Variants in SORD observed in about 807,000 individuals in gnomAD.
The protein encoded by SORD is (R,R)-butanediol dehydrogenase.
A neutral mutation model predicts 35.6 loss-of-function variants in SORD; 18 were observed. The ratio of observed to expected loss-of-function variants is 0.51; its 90% CI spans 0.35 to 0.75. SORD has a LOEUF of 0.75. Among genes scored for constraint, SORD ranks in the 30% least tolerant of loss-of-function variants. The pLI is 0.01. For missense variants in SORD, 250 were observed against 390.2 expected, an observed-to-expected ratio of 0.64 and a Z score of 3.03; for synonymous variants, 106 against 152.9, an observed-to-expected ratio of 0.69 and a Z score of 2.26.
At chr15:45,052,210 T>A (rs992748191) in intron 3 of SORD, among the ~76,000 whole-genome samples, 1 of 152,190 alleles carries the variant, frequency 6.6e-6, no homozygotes, top group Non-Finnish European at 1.5e-5. Flanking sequence ...CAAAGCCTGA[T>A]ATGTGAGGAA....
chr15:45,030,050 G>A (rs1326944038), intron 1 of SORD, among the ~76,000 whole-genome samples: 1 of 152,212 alleles, frequency 6.6e-6, no homozygotes, highest in Non-Finnish European at 1.5e-5. Flanking sequence ...GTGAAGGGTG[G>A]GGATCAATCA....
At position 45,045,532 on chromosome 15, in the gene SORD, A is replaced by G. The variant is rs186711369; in HGVS notation, c.265+2111A>G. Among the ~76,000 whole-genome samples the G allele has an allele frequency of 6.9e-5, 9 of 130,770 alleles. No individual in the cohort carries two copies. The South Asian group carries it at 7.9e-4, about 11-fold the overall frequency. 85.8% of individuals were successfully genotyped at this position (130,770 alleles called of 152,430 possible). On this transcript the variant is annotated intron_variant, in intron 3 of 8. Transcript: ENST00000267814. ...TTCCAGCCTTGGTGAGAGACAGAGC[A>G]AGACTCCATCTCAAAAAAAAAAAAA...
Position 45,032,780 on chromosome 15 carries a change from A to G in SORD, c.67-7628A>G, listed in dbSNP as rs2600890. Among the ~76,000 whole-genome samples, 717 of 151,536 alleles carry G rather than the reference A, an allele frequency of 4.7e-3. 8 individuals are homozygous for G. The highest frequency in any genetic ancestry group is 0.016 in the African/African-American group (645 of 41,004). ...ACCTCAAGTTTGCCAGGACCAACAC[A>G]GCTAGAACAAAGCCTCTCATGACAA... On this transcript the variant is annotated intron_variant, in intron 1 of 8. Transcript: ENST00000267814.
intron 1 of SORD, among the ~76,000 whole-genome samples, chr15:45,035,626 T>C (rs935603861): frequency 2.0e-5 from 3 of 152,198 alleles, no homozygotes; most frequent in Non-Finnish European, 4.4e-5. Context: ...GGCAACTCGC[T>C]GGGGTCCCCT....
At chr15:45,047,737 C>G (rs528891892) in intron 3 of SORD, among the ~76,000 whole-genome samples, 1 of 152,304 alleles carries the variant, frequency 6.6e-6, no homozygotes, top group South Asian at 2.1e-4. Context: ...TGGCTCCTGC[C>G]ACATGGCTTC....
intron 1 of SORD, among the ~76,000 whole-genome samples, chr15:45,031,309 TAAAACAACAACAACGACA>T (rs749576648): frequency 4.0e-5 from 6 of 150,692 alleles, no homozygotes; most frequent in South Asian, 2.1e-4. Flanking sequence ...ACCCATCTCT[TAAAACAACAACAACGACA>T]AAAAAAAAAA....
At chr15:45,036,853 CTT>C (rs1483540111) in intron 1 of SORD, among the ~76,000 whole-genome samples, 4 of 152,060 alleles carry the variant, frequency 2.6e-5, no homozygotes, top group African/African-American at 4.8e-5. Flanking sequence ...AACTAAGAAA[CTT>C]TGGTAGATGA....
intron 1 of SORD, among the ~76,000 whole-genome samples, chr15:45,029,550 G>A (rs1365509841): frequency 6.6e-6 from 1 of 152,266 alleles, no homozygotes; most frequent in African/African-American, 2.4e-5. Context: ...GGCTGTTACA[G>A]TGCTCCTTTA....
chr15:45,032,557 G>A (rs180687234), intron 1 of SORD, among the ~76,000 whole-genome samples: 2 of 152,254 alleles, frequency 1.3e-5, no homozygotes, highest in East Asian at 1.9e-4. Context: ...ATGGGAAATG[G>A]GTGTAGTTGG....
At chr15:45,071,686 A>G (rs562394204) in intron 7 of SORD, among the ~76,000 whole-genome samples, 1 of 150,494 alleles carries the variant, frequency 6.6e-6, no homozygotes, top group African/African-American at 2.4e-5. Flanking sequence ...GGAAATTTTC[A>G]GGAGAAATTT....
At chr15:45,066,697 T>C (rs1263254502) in intron 5 of SORD, among the ~76,000 whole-genome samples, 1 of 152,190 alleles carries the variant, frequency 6.6e-6, no homozygotes, top group Non-Finnish European at 1.5e-5. Flanking sequence ...CTTGTGGGTG[T>C]GATCTGGTGT....
intron 3 of SORD, among the ~76,000 whole-genome samples, chr15:45,056,696 G>A (rs897139444): frequency 2.6e-5 from 4 of 152,188 alleles, no homozygotes; most frequent in Admixed American, 2.6e-4. Context: ...TGGGGATGTG[G>A]AATTTTTATA....
At chr15:45,053,478 A>C (rs1893161254) in intron 3 of SORD, among the ~76,000 whole-genome samples, 1 of 152,316 alleles carries the variant, frequency 6.6e-6, no homozygotes. Context: ...AAGCAGGAGA[A>C]GGAGGGGAAA....
At chr15:45,023,496 G>A (rs1892622484) in intron 1 of SORD, 147 bp downstream of exon 1, 1 of 625,216 alleles carries the variant, frequency 1.6e-6, no homozygotes, top group East Asian at 3.4e-5. Context: ...GGTTCCCCTC[G>A]GGGTGTGGGG....
At chr15:45,068,448 A>AGTGT (rs3042989) in intron 6 of SORD, among the ~76,000 whole-genome samples, 4 of 116,040 alleles carry the variant, frequency 3.4e-5, no homozygotes, top group South Asian at 5.2e-4. Context: ...TGTGTGAGAG[A>AGTGT]GTGTGTGTGT....
chr15:45,060,981 G>A (rs1197521327), intron 3 of SORD, 86 bp from the exon 4 acceptor site: 2 of 1,578,590 alleles, frequency 1.3e-6, no homozygotes, highest in Non-Finnish European at 1.7e-6. Flanking sequence ...TGTTTTCAAA[G>A]GTTGGAAAAC....
intron 5 of SORD, among the ~76,000 whole-genome samples, chr15:45,066,075 C>A (rs984901311): frequency 1.3e-5 from 2 of 151,860 alleles, no homozygotes; most frequent in Non-Finnish European, 2.9e-5. Flanking sequence ...GAAACCTCAA[C>A]TTTACTAAAA....
intron 3 of SORD, among the ~76,000 whole-genome samples, chr15:45,055,688 A>G (rs200381436): frequency 6.6e-6 from 1 of 152,224 alleles, no homozygotes; most frequent in Non-Finnish European, 1.5e-5. Context: ...ACACAACCAA[A>G]AAGGAGAATT....
intron 3 of SORD, among the ~76,000 whole-genome samples, chr15:45,048,442 C>G (rs1470703577): frequency 2.6e-5 from 4 of 152,170 alleles, no homozygotes; most frequent in African/African-American, 9.7e-5. Context: ...GACATGGTGG[C>G]TTACACCTGT....
Sources: gnomAD v4.1 joint callset for allele counts (sites outside exome capture counted in the v4.1 genomes callset) on GRCh38, gnomAD v4.1.1 for gene constraint, MANE v1.5 for transcripts, NCBI Gene and HGNC (gene_info 2026-07-23, HGNC 2026-07-21) for gene names.